DNAH5: variants seen among roughly 807,000 people sequenced by gnomAD.
DNAH5 encodes axonemal beta dynein heavy chain 5.
DNAH5 carries 372 observed loss-of-function variants against 518.2 expected under a neutral mutation model. The observed-to-expected ratio is 0.72, with a 90% CI of 0.66 to 0.78. The LOEUF is 0.78. Among genes scored for constraint, DNAH5 ranks in the 30% least tolerant of loss-of-function variants. The probability of loss-of-function intolerance (pLI) is 0.00; values close to 1 mark genes in which losing one functional copy is unlikely to be tolerated. For synonymous variants in DNAH5, 2,039 were observed against 2,025.9 expected, an observed-to-expected ratio of 1.01 and a Z score of -0.17; for missense variants, 5,523 against 5,687.0, an observed-to-expected ratio of 0.97 and a Z score of 0.93.
chr5:13,863,287 G>T (rs1768758772), intron 28 of DNAH5, among the ~76,000 whole-genome samples: 1 of 152,006 alleles, frequency 6.6e-6, no homozygotes. Context: ...TTACACCCAT[G>T]ACTTCAATCA....
chr5:14,011,576 C>T (rs1274101865), intron 1 of DNAH5, among the ~76,000 whole-genome samples: 1 of 152,150 alleles, frequency 6.6e-6, no homozygotes, highest in Non-Finnish European at 1.5e-5. Context: ...AACCCCGGGC[C>T]GCTCGGCCGC....
At chr5:13,762,590 G>T in intron 60 of DNAH5, 132 bp downstream of exon 60, 1 of 774,726 alleles carries the variant, frequency 1.3e-6, no homozygotes, top group Non-Finnish European at 2.2e-6. Context: ...GCCTTTCTAT[G>T]CTCACTCTCC....
chr5:13,794,660 C>A (rs775508574), intron 47 of DNAH5, among the ~76,000 whole-genome samples: 2 of 152,176 alleles, frequency 1.3e-5, no homozygotes, highest in Non-Finnish European at 2.9e-5. Flanking sequence ...GACCACGCTG[C>A]ACTCTGTAAA....
At chr5:13,857,598 C>T (rs1580614738) in intron 30 of DNAH5, among the ~76,000 whole-genome samples, 2 of 152,282 alleles carry the variant, frequency 1.3e-5, no homozygotes, top group Non-Finnish European at 2.9e-5. Flanking sequence ...TATCACGCTA[C>T]CTGATTTCAA....
rs727502974 is a variant in DNAH5 at position 13,792,055 on chromosome 5, T to C, written c.8387A>G (p.Asp2796Gly). The change falls in exon 50 of 79, where the codon GAT (aspartate) becomes GGT (glycine). Residue 2796 changes from aspartate (D) to glycine (G), a missense_variant. Physicochemically the swap from Asp to Gly is moderately conservative, Grantham distance 94. Transcript: ENST00000265104. Reference sequence around the variant, plus strand: ...CATTCCCTGCCAGACCCGAGAAAGATCTCGTAGGTTAAACACATAATGGAA... The same window carrying C: ...CATTCCCTGCCAGACCCGAGAAAGACCTCGTAGGTTAAACACATAATGGAA... Reference protein sequence around the residue: ...AKFHYVFNLRDLSRVWQGMLN... With the variant: ...AKFHYVFNLRGLSRVWQGMLN... The C allele has an allele frequency of 1.2e-5, 19 of 1,613,978 alleles. No individual in the cohort carries two copies. In the Admixed American group the frequency reaches 2.7e-4, roughly 23 times the overall value.
At chr5:13,841,645 A>T in intron 33 of DNAH5, 47 bp downstream of exon 33, 2 of 1,467,962 alleles carry the variant, frequency 1.4e-6, no homozygotes, top group South Asian at 1.1e-5. Context: ...TCTGAGACTT[A>T]AAATGACTAT....
chr5:13,839,287 T>G (rs566596898), intron 35 of DNAH5, 69 bp downstream of exon 35: 1 of 1,483,276 alleles, frequency 6.7e-7, no homozygotes, highest in Admixed American at 1.7e-5. Flanking sequence ...TAAGAGACTT[T>G]AAGCAAAAAT....
chr5:13,773,301 A>C (rs886919529), intron 55 of DNAH5, among the ~76,000 whole-genome samples: 1 of 152,204 alleles, frequency 6.6e-6, no homozygotes, highest in African/African-American at 2.4e-5. Context: ...AAAATGGGAA[A>C]ATTTCAAATA....
chr5:13,752,995 C>T (rs776616582), intron 63 of DNAH5, among the ~76,000 whole-genome samples: 87 of 152,150 alleles, frequency 5.7e-4, no homozygotes, highest in Non-Finnish European at 7.2e-4. Context: ...GCCCTGGACC[C>T]TGACAGAATA....
intron 70 of DNAH5, among the ~76,000 whole-genome samples, chr5:13,725,663 A>AT (rs374909179): frequency 2.9e-4 from 44 of 149,884 alleles, no homozygotes; most frequent in South Asian, 2.1e-3. Context: ...TTTGTTGAGT[A>AT]TTTTTTTTTT....
At position 13,919,296 on chromosome 5, in the gene DNAH5, C is replaced by T. The variant is rs931507563; in HGVS notation, c.855G>A (p.Ala285=). ...LKEADDVGPR[A]ELEHWKKRLS... is the part of the protein sequence containing the mutation. ...GTCTTTTTTTCCAGTGCTCCAGCTCCGCTCGTGGCCCAACGTCATCCGCTT... is the reference window on the plus strand; with the variant it reads ...GTCTTTTTTTCCAGTGCTCCAGCTCTGCTCGTGGCCCAACGTCATCCGCTT... The change falls in exon 7 of 79, where the codon GCG becomes GCA. Residue 285 remains alanine (A), a synonymous_variant. Coordinates refer to ENST00000265104, the MANE Select transcript of DNAH5 (RefSeq NM_001369.3). 8.7e-6 allele frequency: 14 copies of T among 1,613,974 alleles called. No homozygotes were observed. The highest frequency in any genetic ancestry group is 4.5e-5 in the East Asian group (2 of 44,894).
At chr5:13,856,834 A>G (rs191957552) in intron 30 of DNAH5, among the ~76,000 whole-genome samples, 10 of 152,354 alleles carry the variant, frequency 6.6e-5, no homozygotes, top group Admixed American at 2.0e-4. Flanking sequence ...AAAACTCTCA[A>G]TAAACTAAGT....
intron 43 of DNAH5, among the ~76,000 whole-genome samples, chr5:13,814,358 G>A (rs984486188): frequency 6.6e-6 from 1 of 152,144 alleles, no homozygotes; most frequent in Non-Finnish European, 1.5e-5. Context: ...GGTTCATACA[G>A]GCCTGGCAAT....
chr5:13,820,021 G>A (rs750613777), intron 41 of DNAH5, among the ~76,000 whole-genome samples: 43 of 152,180 alleles, frequency 2.8e-4, no homozygotes, highest in Middle Eastern at 3.4e-3. Context: ...CTTTGTGACC[G>A]TGGGCGTTTT....
At chr5:13,782,440 T>G (rs1755313720) in intron 52 of DNAH5, among the ~76,000 whole-genome samples, 1 of 152,182 alleles carries the variant, frequency 6.6e-6, no homozygotes, top group Non-Finnish European at 1.5e-5. Context: ...GCATATGCCC[T>G]GTTTTTCCAG....
intron 21 of DNAH5, among the ~76,000 whole-genome samples, chr5:13,881,212 A>G (rs1771632994): frequency 6.6e-6 from 1 of 152,014 alleles, no homozygotes; most frequent in South Asian, 2.1e-4. Flanking sequence ...AGGGGATTTT[A>G]GTACCCTACT....
intron 1 of DNAH5, among the ~76,000 whole-genome samples, chr5:13,994,728 G>C (rs1460764697): frequency 2.0e-5 from 3 of 152,156 alleles, no homozygotes; most frequent in Non-Finnish European, 4.4e-5. Flanking sequence ...CAATTTGAGA[G>C]CTCTTCACCC....
At chr5:13,899,838 G>T in intron 15 of DNAH5, 1 of 232,680 alleles carries the variant, frequency 4.3e-6, no homozygotes, top group South Asian at 6.7e-5. Context: ...CTTCATCCTG[G>T]GCCAGTGCAA....
In DNAH5 at chr5:13,717,479, A is replaced by G. The variant is rs1744463151; in HGVS notation, c.12541T>C (p.Trp4181Arg). ...DLLDVSSGSQWKPMLYAVAFL... is the reference protein window; with the variant it reads ...DLLDVSSGSQRKPMLYAVAFL... The stretch of plus-strand genomic sequence containing the variant: ...GCCACTGCGTACAGCATGGGCTTCC[A>G]CTGGGACCCAGAGCTCACGTCCAGC... Residue 4181 changes from tryptophan to arginine, a missense_variant, in exon 73 of 79, where the codon TGG becomes CGG. Trp to Arg is a moderately radical substitution (Grantham distance 101). Coordinates refer to ENST00000265104, the MANE Select transcript of DNAH5 (RefSeq NM_001369.3). 1 of 1,614,176 alleles carries G rather than the reference A, an allele frequency of 6.2e-7. No homozygotes were observed.
Sources: allele counts gnomAD v4.1 joint callset (sites outside exome capture counted in the v4.1 genomes callset), GRCh38; gene constraint gnomAD v4.1.1; transcripts MANE v1.5; gene names NCBI Gene and HGNC (gene_info 2026-07-23, HGNC 2026-07-21).